Variants in CENPP observed in about 807,000 individuals in gnomAD.
The protein encoded by CENPP is centromere protein P.
CENPP carries 24 observed loss-of-function variants against 35.6 expected under a neutral mutation model. The observed-to-expected ratio is 0.67, with a 90% CI of 0.49 to 0.95. CENPP has a LOEUF of 0.95. Ranked by LOEUF, CENPP falls within the 40% of genes least tolerant of loss-of-function variation. The pLI, the probability that CENPP is intolerant of heterozygous loss-of-function variation, is 0.00. For missense variants in CENPP, 332 were observed against 345.3 expected (o/e 0.96, Z 0.31); for synonymous variants, 120 against 125.5 (o/e 0.96, Z 0.29).
At chr9:92,540,142 G>A (rs1418700981) in intron 5 of CENPP, among the ~76,000 whole-genome samples, 1 of 152,194 alleles carries the variant, frequency 6.6e-6, no homozygotes, top group African/African-American at 2.4e-5. Flanking sequence ...ATTGAAGTAA[G>A]AAAGAAATGA....
intron 4 of CENPP, among the ~76,000 whole-genome samples, chr9:92,369,563 CT>C (rs1295483916): frequency 6.6e-6 from 1 of 152,138 alleles, no homozygotes; most frequent in Non-Finnish European, 1.5e-5. Flanking sequence ...TGGTAGATTG[CT>C]TTAGACAATA....
At chr9:92,553,787 T>C (rs902641389) in intron 5 of CENPP, among the ~76,000 whole-genome samples, 2 of 152,218 alleles carry the variant, frequency 1.3e-5, no homozygotes, top group Non-Finnish European at 2.9e-5. Context: ...CTTTGCTAAA[T>C]TCTTTGATCA....
intron 5 of CENPP, chr9:92,493,419 C>T (rs1846226901): frequency 6.6e-6 from 1 of 152,152 alleles, no homozygotes; most frequent in Non-Finnish European, 1.5e-5. Context: ...TTCATTATAC[C>T]AGGTTCTGTA....
intron 5 of CENPP, among the ~76,000 whole-genome samples, chr9:92,520,734 A>G (rs1459078761): frequency 1.3e-5 from 2 of 152,222 alleles, no homozygotes. Context: ...GACAATATGG[A>G]TAAACAAATA....
chr9:92,417,357 A>G lies in CENPP; in HGVS notation c.564+37498A>G. ...ATTGATGATGGAAAGTTAGTTGGAC[A>G]GAAGCATTCACTGACACAGCCTAAA... On this transcript the variant is annotated intron_variant, in intron 5 of 7. Transcript: ENST00000375587. 6.2e-7 allele frequency: 1 copy of G among 1,614,102 alleles called. No homozygotes were observed. The highest frequency in any genetic ancestry group is 8.5e-7 in the Non-Finnish European group (1 of 1,179,980).
chr9:92,386,230 G>C, intron 5 of CENPP: 2 of 1,612,932 alleles, frequency 1.2e-6, no homozygotes, highest in Non-Finnish European at 1.7e-6. Context: ...AGACTTTCTG[G>C]TAAATTAAGA....
chr9:92,533,311 A>AT (rs1848932291), intron 5 of CENPP, among the ~76,000 whole-genome samples: 2 of 87,442 alleles, frequency 2.3e-5, no homozygotes, highest in African/African-American at 9.6e-5. Flanking sequence ...AACAAAAAAA[A>AT]AAAAAAAAAA....
chr9:92,560,194 A>T (rs982237951), intron 5 of CENPP, among the ~76,000 whole-genome samples: 1 of 152,212 alleles, frequency 6.6e-6, no homozygotes, highest in African/African-American at 2.4e-5. Context: ...AATCCGTCAT[A>T]GTCTAGTTTG....
intron 5 of CENPP, among the ~76,000 whole-genome samples, chr9:92,547,081 T>G (rs1408367859): frequency 6.6e-6 from 1 of 152,196 alleles, no homozygotes; most frequent in Non-Finnish European, 1.5e-5. Context: ...TATATTATGA[T>G]TATACTGGGT....
rs569660745 is a variant in CENPP, at chr9:92,585,844, G to A, written c.565-25470G>A. Among the ~76,000 whole-genome samples the A allele has an allele frequency of 3.0e-4, 45 of 152,262 alleles. No homozygotes were observed. The South Asian group carries it at 9.1e-3, about 31-fold the overall frequency. ...TATCCTTCCCTAGCACAGAAGGGGC[G>A]GCTGTGACGATAGCAGCCCATGTTC... On this transcript the variant is annotated intron_variant, in intron 5 of 7. Coordinates refer to ENST00000375587, the MANE Select transcript of CENPP (RefSeq NM_001012267.3).
chr9:92,535,438 G>A (rs773909155), intron 5 of CENPP, among the ~76,000 whole-genome samples: 1 of 151,878 alleles, frequency 6.6e-6, no homozygotes, highest in African/African-American at 2.4e-5. Context: ...AGCACTTACT[G>A]TGTTTATCCC....
At chr9:92,532,351 C>T (rs1050436761) in intron 5 of CENPP, among the ~76,000 whole-genome samples, 1 of 152,022 alleles carries the variant, frequency 6.6e-6, no homozygotes, top group African/African-American at 2.4e-5. Flanking sequence ...TCCTATTTGG[C>T]ACTTCTTGAA....
At position 92,619,485 on chromosome 9, in the gene CENPP, C is replaced by A. The variant is rs1184701972; in HGVS notation, c.*6336C>A. On this transcript the variant is annotated 3_prime_UTR_variant, in exon 8 of 8. Coordinates refer to ENST00000375587, the MANE Select transcript of CENPP (RefSeq NM_001012267.3). The stretch of plus-strand genomic sequence containing the variant: ...TGCATGCCTTGCAGTGGGGGCCTCA[C>A]CTGGCATCCTGCAGACAGGGAGACA... 6.3e-7 allele frequency: 1 copy of A among 1,584,482 alleles called. No homozygotes were observed. The highest frequency in any genetic ancestry group is 1.8e-5 in the Admixed American group (1 of 54,718).
intron 5 of CENPP, chr9:92,416,653 C>G: frequency 1.0e-5 from 16 of 1,600,756 alleles, no homozygotes; most frequent in Non-Finnish European, 1.4e-5. Flanking sequence ...ATAGGTGTTC[C>G]AAATTTCTTG....
At chr9:92,523,302 T>C (rs1272749376) in intron 5 of CENPP, among the ~76,000 whole-genome samples, 1 of 152,182 alleles carries the variant, frequency 6.6e-6, no homozygotes, top group African/African-American at 2.4e-5. Flanking sequence ...CCTTTTTCTA[T>C]AAAGGGCCAG....
At chr9:92,464,020 C>T (rs758168715) in intron 5 of CENPP, among the ~76,000 whole-genome samples, 18 of 151,916 alleles carry the variant, frequency 1.2e-4, no homozygotes, top group Non-Finnish European at 2.4e-4. Context: ...TAGAGGGGGT[C>T]GTGATGAAGT....
chr9:92,546,312 G>T (rs1220392139), intron 5 of CENPP, among the ~76,000 whole-genome samples: 2 of 152,204 alleles, frequency 1.3e-5, no homozygotes, highest in South Asian at 2.1e-4. Flanking sequence ...GCCCAAGCTA[G>T]CCCTGACAAC....
rs2131274730 is a variant in CENPP, at chr9:92,529,786, T to A, written c.565-81528T>A. 1.3e-5 allele frequency among the ~76,000 whole-genome samples: 2 copies of A among 152,234 alleles called. 1 individual carries two copies. The highest frequency in any genetic ancestry group is 4.1e-4 in the South Asian group (2 of 4,830). ...AACTATGCAAGCTATAAAAGAATAG[T>A]GAATTTGGGGCGGAGAGGGATGAAT... On this transcript the variant is annotated intron_variant, in intron 5 of 7. Transcript: ENST00000375587.
At chr9:92,340,909 C>A (rs572083821) in intron 3 of CENPP, among the ~76,000 whole-genome samples, 8 of 152,224 alleles carry the variant, frequency 5.3e-5, no homozygotes, top group Admixed American at 5.2e-4. Flanking sequence ...GAGAGATAAC[C>A]TTAAACTCTG....
Sources: allele counts gnomAD v4.1 joint callset (sites outside exome capture counted in the v4.1 genomes callset), GRCh38; gene constraint gnomAD v4.1.1; transcripts MANE v1.5; gene names NCBI Gene and HGNC (gene_info 2026-07-23, HGNC 2026-07-21).